Variants in RBFOX1 observed in about 807,000 individuals in gnomAD.
The protein encoded by RBFOX1 is RNA binding protein fox-1 homolog 1.
Under a neutral mutation model 57.7 loss-of-function variants are expected in RBFOX1, and 8 were observed. That is an observed-to-expected ratio of 0.14 (90% CI 0.08 to 0.25). RBFOX1 has a LOEUF of 0.25. RBFOX1 is among the 10% of genes least tolerant of loss of function. The pLI is 1.00. For synonymous variants in RBFOX1, 326 were observed against 222.4 expected, an observed-to-expected ratio of 1.47 and a Z score of -4.15; for missense variants, 611 against 548.5, an observed-to-expected ratio of 1.11 and a Z score of -1.14.
chr16:7,564,591 A>G (rs2091250440), intron 5 of RBFOX1, among the ~76,000 whole-genome samples: 1 of 149,290 alleles, frequency 6.7e-6, no homozygotes, highest in African/African-American at 2.5e-5. Context: ...CAAGCCAGGA[A>G]GAGGGCCCTT....
chr16:6,905,797 C>T (rs906620656), intron 3 of RBFOX1, among the ~76,000 whole-genome samples: 3 of 152,174 alleles, frequency 2.0e-5, no homozygotes, highest in Non-Finnish European at 4.4e-5. Context: ...GCCGGTCCTG[C>T]CTAGGAAACC....
intron 2 of RBFOX1, among the ~76,000 whole-genome samples, chr16:5,581,200 A>C (rs1029693304): frequency 6.6e-6 from 1 of 152,194 alleles, no homozygotes; most frequent in Admixed American, 6.5e-5. Context: ...CTAGAAGCTA[A>C]AGCAAGAGTC....
intron 2 of RBFOX1, among the ~76,000 whole-genome samples, chr16:6,499,349 T>A (rs998023723): frequency 6.6e-6 from 1 of 152,046 alleles, no homozygotes; most frequent in Non-Finnish European, 1.5e-5. Flanking sequence ...ATTTTTTTAC[T>A]GTATAGACAC....
chr16:5,259,751 C>T (rs1320405013), intron 1 of RBFOX1, among the ~76,000 whole-genome samples: 1 of 152,150 alleles, frequency 6.6e-6, no homozygotes, highest in African/African-American at 2.4e-5. Context: ...TGAAATGGAG[C>T]CGGGTTATGG....
In RBFOX1 at chr16:7,518,211, C is replaced by A. The variant is rs761469568; in HGVS notation, c.92C>A (p.Ala31Asp). Reference sequence around the variant, plus strand: ...CAGCCTTACGCTTCGGCCCAGTTTGCTCCCCCGCAGAACGGTATCCCCGCG... The same window carrying A: ...CAGCCTTACGCTTCGGCCCAGTTTGATCCCCCGCAGAACGGTATCCCCGCG... ...MAQPYASAQF[A>D]PPQNGIPAEY... Residue 31 changes from alanine to aspartate, a missense_variant, in exon 5 of 16, where the codon GCT becomes GAT. This residue lies in a region of RBFOX1 where 245 missense variants were observed against 159.1 expected (regional missense o/e 1.54). Transcript: ENST00000550418. The A allele has an allele frequency of 2.5e-6, 4 of 1,614,090 alleles. No individual in the cohort carries two copies. The East Asian group carries it at 8.9e-5, about 36-fold the overall frequency.
chr16:6,873,576 A>T (rs944907818), intron 3 of RBFOX1, among the ~76,000 whole-genome samples: 5 of 152,184 alleles, frequency 3.3e-5, no homozygotes, highest in African/African-American at 1.2e-4. Context: ...TGCATAAACT[A>T]TTGAGTTAAA....
Position 6,158,648 on chromosome 16 carries a change from G to T in RBFOX1, c.-127+138656G>T, listed in dbSNP as rs77041092. ...CCACTGCACATGAGTTAGGCATTGCGGATGACAGAGAAAAAGTCAGACAAA... is the reference window on the plus strand; with the variant it reads ...CCACTGCACATGAGTTAGGCATTGCTGATGACAGAGAAAAAGTCAGACAAA... On this transcript the variant is annotated intron_variant, in intron 1 of 15. Transcript: ENST00000550418. Among the ~76,000 whole-genome samples the T allele has an allele frequency of 2.0e-5, 3 of 152,172 alleles. No homozygotes were observed. The East Asian group carries it at 5.8e-4, about 29-fold the overall frequency.
rs1057248317 is a variant in RBFOX1, at chr16:6,550,606, A to C, written c.-63-103997A>C. 2.6e-5 allele frequency among the ~76,000 whole-genome samples: 4 copies of C among 152,310 alleles called. No individual in the cohort carries two copies. In the South Asian group the frequency reaches 8.3e-4, roughly 32 times the overall value. On this transcript the variant is annotated intron_variant, in intron 2 of 15. Coordinates refer to ENST00000550418, the MANE Select transcript of RBFOX1 (RefSeq NM_018723.4). Reference sequence around the variant, plus strand: ...CTCCCAAAGTGCTGGGATTACAGGCATGTGCCACTGTGCCCAGCCTTCATG... The same window carrying C: ...CTCCCAAAGTGCTGGGATTACAGGCCTGTGCCACTGTGCCCAGCCTTCATG...
intron 3 of RBFOX1, among the ~76,000 whole-genome samples, chr16:5,834,730 G>GATACATAGATAC (rs1555541489): frequency 6.8e-6 from 1 of 146,302 alleles, no homozygotes; most frequent in Non-Finnish European, 1.5e-5. Context: ...TAGATACATA[G>GATACATAGATAC]ATACATACAT....
At chr16:7,345,456 A>T (rs1441836036) in intron 4 of RBFOX1, among the ~76,000 whole-genome samples, 2 of 152,162 alleles carry the variant, frequency 1.3e-5, no homozygotes, top group Admixed American at 1.3e-4. Flanking sequence ...TAAGGATTCT[A>T]ATGAGCTGGG....
At chr16:5,474,654 C>T (rs935274741) in intron 2 of RBFOX1, among the ~76,000 whole-genome samples, 1 of 127,440 alleles carries the variant, frequency 7.8e-6, no homozygotes, top group East Asian at 2.3e-4. Flanking sequence ...GACTTCGTCT[C>T]AAAAAAAAAA....
At chr16:7,691,717 C>T (rs911807826) in intron 14 of RBFOX1, among the ~76,000 whole-genome samples, 3 of 152,110 alleles carry the variant, frequency 2.0e-5, no homozygotes, top group Admixed American at 1.3e-4. Context: ...ATGTCTAGCA[C>T]ATTGGACAGT....
At chr16:7,222,387 A>G (rs1004019150) in intron 4 of RBFOX1, among the ~76,000 whole-genome samples, 1 of 152,212 alleles carries the variant, frequency 6.6e-6, no homozygotes, top group Non-Finnish European at 1.5e-5. Context: ...TTCCTCAGCA[A>G]CTAGAGTTTT....
chr16:7,187,649 A>G (rs997225439), intron 4 of RBFOX1, among the ~76,000 whole-genome samples: 8 of 129,916 alleles, frequency 6.2e-5, no homozygotes, highest in Admixed American at 2.9e-4. Context: ...AGATCGTGCC[A>G]CTGCAGTCCA....
chr16:6,250,858 G>A (rs74005045), intron 1 of RBFOX1, among the ~76,000 whole-genome samples: 88 of 152,274 alleles, frequency 5.8e-4, no homozygotes, highest in African/African-American at 2.1e-3. Context: ...TTGGCCAAGT[G>A]AGAGTGGTTT....
At chr16:5,687,098 C>T (rs1215868000) in intron 3 of RBFOX1, among the ~76,000 whole-genome samples, 1 of 152,146 alleles carries the variant, frequency 6.6e-6, no homozygotes, top group Non-Finnish European at 1.5e-5. Flanking sequence ...CCAAATAAGC[C>T]TCTTTTCCTT....
chr16:7,388,644 C>CTTTTTT (rs61629644), intron 4 of RBFOX1, among the ~76,000 whole-genome samples: 30 of 92,602 alleles, frequency 3.2e-4, no homozygotes, highest in African/African-American at 5.5e-4. Context: ...GTTTCACTTA[C>CTTTTTT]TTTTTTTTTT....
At chr16:5,926,917 G>A (rs570889239) in intron 4 of RBFOX1, among the ~76,000 whole-genome samples, 42 of 152,246 alleles carry the variant, frequency 2.8e-4, no homozygotes, top group Non-Finnish European at 4.0e-4. Flanking sequence ...TACAGTTTGG[G>A]AAGGCAAGTA....
intron 2 of RBFOX1, among the ~76,000 whole-genome samples, chr16:6,321,081 A>T (rs2081732309): frequency 6.6e-6 from 1 of 152,228 alleles, no homozygotes; most frequent in Non-Finnish European, 1.5e-5. Context: ...GGCATGAGCC[A>T]TCACGTTAAA....
Sources: gnomAD v4.1 joint callset for allele counts (sites outside exome capture counted in the v4.1 genomes callset) on GRCh38, gnomAD v4.1.1 for gene constraint, gnomAD v4.1.1 regional missense constraint, MANE v1.5 for transcripts, NCBI Gene and HGNC (gene_info 2026-07-23, HGNC 2026-07-21) for gene names.